The following RYR3 variants were observed in gnomAD, a reference collection of about 807,000 sequenced individuals.
The protein encoded by RYR3 is brain ryanodine receptor-calcium release channel.
A neutral mutation model predicts 584.3 loss-of-function variants in RYR3; 207 were observed. The ratio of observed to expected loss-of-function variants is 0.35; its 90% CI spans 0.32 to 0.40. The LOEUF (loss-of-function observed/expected upper bound fraction) is 0.40. RYR3 is among the 10% of genes least tolerant of loss of function. The pLI is 1.00. For synonymous variants in RYR3, 2,416 were observed against 2,248.5 expected (o/e 1.07, Z -2.11); for missense variants, 5,616 against 6,089.2 (o/e 0.92, Z 2.59).
chr15:33,655,877 A>G (rs1300656719), intron 32 of RYR3, among the ~76,000 whole-genome samples: 1 of 152,228 alleles, frequency 6.6e-6, no homozygotes, highest in Non-Finnish European at 1.5e-5. Flanking sequence ...AGAACAGTCC[A>G]GCAATATTTA....
In RYR3 at chr15:33,550,331, A is replaced by T. The variant is rs1239704885; in HGVS notation, c.972+15A>T. 6.2e-7 allele frequency: 1 copy of T among 1,608,664 alleles called. No homozygotes were observed. The highest frequency in any genetic ancestry group is 2.2e-5 in the East Asian group (1 of 44,718). ...GGGCATCAAAGGTAAGGTGTGATAA[A>T]GTGGACTTTGACCCTGTTCTAAAAG... On this transcript the variant is annotated intron_variant, in intron 10 of 103. Transcript: ENST00000634891.
At chr15:33,803,996 T>C (rs2076054439) in intron 69 of RYR3, among the ~76,000 whole-genome samples, 1 of 152,186 alleles carries the variant, frequency 6.6e-6, no homozygotes, top group Non-Finnish European at 1.5e-5. Context: ...TCAAGGTCCT[T>C]GGGTTTACAT....
At chr15:33,591,102 T>C (rs1378287911) in intron 16 of RYR3, among the ~76,000 whole-genome samples, 1 of 152,218 alleles carries the variant, frequency 6.6e-6, no homozygotes, top group African/African-American at 2.4e-5. Flanking sequence ...GATTTCACTC[T>C]TGTGGATCCT....
chr15:33,662,265 G>C lies in RYR3; in HGVS notation c.4735G>C (p.Ala1579Pro), dbSNP rs202160360. Residue 1579 changes from alanine to proline, a missense_variant, in exon 35 of 104, where the codon GCC becomes CCC. Transcript: ENST00000634891. Reference sequence around the variant, plus strand: ...CCTGGGAAACAGCCGCGTGGCCTACGCCCTGTGCAGCCACGTGGACCTCTC... The same window carrying C: ...CCTGGGAAACAGCCGCGTGGCCTACCCCCTGTGCAGCCACGTGGACCTCTC... ...CALGNSRVAY[A>P]LCSHVDLSQL... 6.8e-6 allele frequency: 11 copies of C among 1,610,258 alleles called. No homozygotes were observed. Among genetic ancestry groups the C allele is most frequent in the African/African-American group, 1.3e-5 (1 of 74,880 alleles).
At chr15:33,428,288 T>C (rs1052177597) in intron 1 of RYR3, among the ~76,000 whole-genome samples, 2 of 152,228 alleles carry the variant, frequency 1.3e-5, no homozygotes, top group Admixed American at 1.3e-4. Context: ...ATCCTTAACA[T>C]GTGTACATTC....
At chr15:33,841,041 G>GA (rs1287994221) in intron 90 of RYR3, among the ~76,000 whole-genome samples, 158 bp downstream of exon 90, 4 of 151,890 alleles carry the variant, frequency 2.6e-5, no homozygotes, top group African/African-American at 9.7e-5. Context: ...AACATAATGA[G>GA]ACCCCATCTC....
intron 27 of RYR3, among the ~76,000 whole-genome samples, chr15:33,640,457 G>T (rs780327693): frequency 2.6e-5 from 4 of 152,200 alleles, no homozygotes; most frequent in Admixed American, 6.5e-5. Context: ...GGAATGGTCT[G>T]AGCGGTCATC....
At chr15:33,818,712 C>G in intron 76 of RYR3, 28 bp downstream of exon 76, 1 of 1,532,950 alleles carries the variant, frequency 6.5e-7, no homozygotes, top group East Asian at 2.3e-5. Context: ...ACCTGCTTCT[C>G]CCAGGCACCA....
intron 1 of RYR3, among the ~76,000 whole-genome samples, chr15:33,316,884 C>A (rs1567013864): frequency 6.6e-6 from 1 of 152,224 alleles, no homozygotes; most frequent in Admixed American, 6.5e-5. Context: ...CATCCCAGAG[C>A]TGTTGGACAG....
intron 1 of RYR3, among the ~76,000 whole-genome samples, chr15:33,409,086 C>T (rs1394285481): frequency 1.3e-5 from 2 of 152,090 alleles, no homozygotes; most frequent in Admixed American, 6.6e-5. Context: ...ATCAGTGGCC[C>T]TTCTGCCAGA....
At chr15:33,819,141 C>T (rs373622617) in intron 76 of RYR3, among the ~76,000 whole-genome samples, 2 of 151,862 alleles carry the variant, frequency 1.3e-5, no homozygotes, top group Non-Finnish European at 2.9e-5. Context: ...AAAGACATGT[C>T]TAGGGAAACT....
chr15:33,523,724 G>C (rs1177513844), intron 3 of RYR3, among the ~76,000 whole-genome samples: 1 of 152,100 alleles, frequency 6.6e-6, no homozygotes, highest in Non-Finnish European at 1.5e-5. Context: ...CCAAAAACAA[G>C]AACGGGATTT....
intron 1 of RYR3, among the ~76,000 whole-genome samples, chr15:33,380,705 G>T (rs1482213504): frequency 2.0e-5 from 3 of 152,236 alleles, no homozygotes; most frequent in Non-Finnish European, 1.5e-5. Flanking sequence ...TTCAGCTGGT[G>T]TGGGCTGTAT....
At chr15:33,570,817 C>A (rs1391735438) in intron 12 of RYR3, among the ~76,000 whole-genome samples, 1 of 118,860 alleles carries the variant, frequency 8.4e-6, no homozygotes, top group Non-Finnish European at 1.9e-5. Context: ...GTATTTGATT[C>A]TTTTTGGTGC....
chr15:33,635,528 C>A, intron 25 of RYR3, 86 bp from the exon 26 acceptor site: 1 of 994,234 alleles, frequency 1.0e-6, no homozygotes, highest in Non-Finnish European at 1.6e-6. Context: ...TCATCAAATT[C>A]TTTTGAGTAG....
In RYR3 at chr15:33,697,971, A is replaced by G. The variant is rs774851445; in HGVS notation, c.6224A>G (p.Asn2075Ser). The stretch of plus-strand genomic sequence containing the variant: ...GAGACGGTGATGGAGGTGATGGTGA[A>G]CGTGTTGGGTACAGAGAAATCTCAG... ...MHETVMEVMV[N>S]VLGTEKSQIA... The change falls in exon 40 of 104, where the codon AAC becomes AGC. Residue 2075 changes from asparagine (N) to serine (S), a missense_variant. Physicochemically the swap from Asn to Ser is conservative, Grantham distance 46 (BLOSUM62 1). Transcript: ENST00000634891. The G allele has an allele frequency of 6.2e-7, 1 of 1,613,204 alleles. No homozygotes were observed. Among genetic ancestry groups the G allele is most frequent in the South Asian group, 1.1e-5 (1 of 91,054 alleles).
chr15:33,472,490 G>A (rs1035196416), intron 1 of RYR3, among the ~76,000 whole-genome samples: 3 of 152,186 alleles, frequency 2.0e-5, no homozygotes, highest in Admixed American at 1.3e-4. Flanking sequence ...GGAGGCTCCA[G>A]CTGGCTCCCC....
chr15:33,795,773 T>G (rs548137426), intron 67 of RYR3, among the ~76,000 whole-genome samples: 174 of 152,246 alleles, frequency 1.1e-3, no homozygotes, highest in African/African-American at 3.6e-3. Flanking sequence ...TCAGGTGATC[T>G]GCCTGCCTCT....
At chr15:33,514,927 C>T (rs921252509) in intron 3 of RYR3, among the ~76,000 whole-genome samples, 1 of 152,146 alleles carries the variant, frequency 6.6e-6, no homozygotes, top group East Asian at 1.9e-4. Context: ...TGGCGTGAAC[C>T]CGGGAGGCGG....
Sources: allele counts gnomAD v4.1 joint callset (sites outside exome capture counted in the v4.1 genomes callset), GRCh38; gene constraint gnomAD v4.1.1; transcripts MANE v1.5; gene names NCBI Gene and HGNC (gene_info 2026-07-23, HGNC 2026-07-21).